Variants in MAX observed in about 807,000 individuals in gnomAD.
MAX encodes the protein protein max.
A neutral mutation model predicts 22.3 loss-of-function variants in MAX; 3 were observed. The ratio of observed to expected loss-of-function variants is 0.13; its 90% CI spans 0.06 to 0.35. MAX has a LOEUF of 0.35. Among genes scored for constraint, MAX ranks in the 10% least tolerant of loss-of-function variants. The pLI is 1.00. For missense variants in MAX, 119 were observed against 209.4 expected, an observed-to-expected ratio of 0.57 and a Z score of 2.66; for synonymous variants, 72 against 77.7, an observed-to-expected ratio of 0.93 and a Z score of 0.39.
chr14:65,035,708 A>C (rs1260748528), intron 3 of MAX, among the ~76,000 whole-genome samples: 1 of 151,816 alleles, frequency 6.6e-6, no homozygotes, highest in East Asian at 1.9e-4. Flanking sequence ...GTTTAAAAAA[A>C]AAATTTGTAG....
At chr14:65,095,781 G>A (rs1390897958) in intron 2 of MAX, among the ~76,000 whole-genome samples, 1 of 152,160 alleles carries the variant, frequency 6.6e-6, no homozygotes, top group African/African-American at 2.4e-5. Flanking sequence ...GCTAAGAGCT[G>A]TGCACCAGAA....
At position 65,031,977 on chromosome 14, in the gene MAX, A is replaced by C. The variant is rs2062093830; in HGVS notation, c.172-25693T>G. On this transcript the variant is annotated intron_variant, in intron 3 of 3. Transcript: ENST00000341653. This position sits in a 1 kb window ranked among gnomAD's most constrained non-coding sequence, Gnocchi z 4.6. Reference sequence around the variant, plus strand: ...ATATAGACGTGCGCCTTTTTCATTTAACGTGTGTGTGTGTGTGTGTGTGTG... The same window carrying C: ...ATATAGACGTGCGCCTTTTTCATTTCACGTGTGTGTGTGTGTGTGTGTGTG... Among the ~76,000 whole-genome samples the C allele has an allele frequency of 8.1e-6, 1 of 123,208 alleles. No individual in the cohort carries two copies. The highest frequency in any genetic ancestry group is 1.7e-5 in the Non-Finnish European group (1 of 59,882). The allele number at this position is 123,208 out of a possible 152,430, so 80.8% of individuals were successfully genotyped here.
chr14:65,086,511 G>C (rs766484139), intron 3 of MAX, among the ~76,000 whole-genome samples: 3 of 152,310 alleles, frequency 2.0e-5, no homozygotes, highest in Non-Finnish European at 2.9e-5. Flanking sequence ...TTGAGAACTA[G>C]AGCAAAGGTG....
At chr14:65,067,793 A>AT (rs59262877) in intron 3 of MAX, among the ~76,000 whole-genome samples, 16,584 of 123,060 alleles carry the variant, frequency 0.13, 1,379 homozygotes, top group African/African-American at 0.25. Context: ...AGCTAATTAC[A>AT]TTTTTTTTTT....
At chr14:65,042,378 A>G (rs1272761728) in intron 3 of MAX, among the ~76,000 whole-genome samples, 1 of 152,226 alleles carries the variant, frequency 6.6e-6, no homozygotes, top group Non-Finnish European at 1.5e-5. Context: ...GATGGGAGAC[A>G]GTGACAGATC....
intron 3 of MAX, among the ~76,000 whole-genome samples, chr14:65,039,473 T>C (rs112991089): frequency 6.6e-6 from 1 of 152,358 alleles, no homozygotes; most frequent in East Asian, 1.9e-4. Context: ...CTGATTCTTA[T>C]ATAAGTTTGC....
At chr14:65,086,399 A>G (rs956255803) in intron 3 of MAX, among the ~76,000 whole-genome samples, 8 of 152,214 alleles carry the variant, frequency 5.3e-5, no homozygotes, top group African/African-American at 1.7e-4. Flanking sequence ...GAAAGTTTCA[A>G]ACTTCCTAAG....
chr14:65,006,595 TTTG>T (rs1411628386), intron 3 of MAX, among the ~76,000 whole-genome samples: 1 of 152,148 alleles, frequency 6.6e-6, no homozygotes, highest in East Asian at 1.9e-4. Flanking sequence ...TTGGAGGGGC[TTTG>T]TTGTTGTGGT....
intron 2 of MAX, among the ~76,000 whole-genome samples, chr14:65,099,735 C>T (rs2063778675): frequency 6.6e-6 from 1 of 151,982 alleles, no homozygotes; most frequent in African/African-American, 2.4e-5. Flanking sequence ...AGGCCCCAAA[C>T]ATGAAGGATA....
chr14:65,008,291 T>TG (rs989305288), intron 3 of MAX, among the ~76,000 whole-genome samples: 2 of 152,120 alleles, frequency 1.3e-5, no homozygotes, highest in Non-Finnish European at 2.9e-5. Context: ...GGCCCAGGTT[T>TG]GGGGGGAGGA....
rs148951785 is a variant in MAX, at chr14:65,014,738, C to G, written c.172-8454G>C. 3.3e-5 allele frequency among the ~76,000 whole-genome samples: 5 copies of G among 152,172 alleles called. No individual in the cohort carries two copies. In the South Asian group the frequency reaches 6.2e-4, roughly 19 times the overall value. On this transcript the variant is annotated intron_variant, in intron 3 of 3. Coordinates refer to the MAX transcript ENST00000341653. This position sits in a 1 kb window ranked among gnomAD's most constrained non-coding sequence, Gnocchi z 5.1. Reference sequence around the variant, plus strand: ...CTGAGGTGGGAGGATTGCTTGAGCCCGGGAGGTTGAGGCTGCAGTGAGCTG... The same window carrying G: ...CTGAGGTGGGAGGATTGCTTGAGCCGGGGAGGTTGAGGCTGCAGTGAGCTG...
At chr14:65,013,966 A>T (rs557007763) in intron 3 of MAX, among the ~76,000 whole-genome samples, 1 of 152,338 alleles carries the variant, frequency 6.6e-6, no homozygotes, top group South Asian at 2.1e-4. Context: ...AGCGAGTAAG[A>T]TGAGGAGCTG....
intron 3 of MAX, among the ~76,000 whole-genome samples, chr14:65,024,920 CT>C (rs543098960): frequency 1.3e-3 from 191 of 152,016 alleles, no homozygotes; most frequent in Non-Finnish European, 2.5e-3. Context: ...TGCCTGGCTC[CT>C]TTTTTTTGTT....
chr14:65,076,683 G>A lies in MAX; in HGVS notation c.296-20C>T, dbSNP rs2063067097. The A allele has an allele frequency of 4.3e-6, 7 of 1,614,188 alleles. No individual in the cohort carries two copies. The highest frequency in any genetic ancestry group is 5.9e-6 in the Non-Finnish European group (7 of 1,180,018). On this transcript the variant is annotated intron_variant, in intron 4 of 4. Transcript: ENST00000358664. This position sits in a 1 kb window ranked among gnomAD's most constrained non-coding sequence, Gnocchi z 6.6. Reference sequence around the variant, plus strand: ...CACGGACTAAAAGGCAACCAAGGGAGTGTGTTACTGCCTTCTGGAGACTTG... The same window carrying A: ...CACGGACTAAAAGGCAACCAAGGGAATGTGTTACTGCCTTCTGGAGACTTG...
rs2063027233 is a variant in MAX, at chr14:65,075,212, C to T, written c.*1264G>A. The stretch of plus-strand genomic sequence containing the variant: ...GACAATTCTTCGGCAGTATGTACAA[C>T]ATACTTTTTATTTCCATGGAATGGA... On this transcript the variant is annotated 3_prime_UTR_variant, in exon 5 of 5. Transcript: ENST00000358664. This position sits in a 1 kb window ranked among gnomAD's most constrained non-coding sequence, Gnocchi z 4.1. The T allele has an allele frequency of 3.8e-6, 4 of 1,049,950 alleles. No homozygotes were observed. Among genetic ancestry groups the T allele is most frequent in the Non-Finnish European group, 2.3e-6 (2 of 869,736 alleles). The allele number at this position is 1,049,950 out of a possible 1,614,324, so 65.0% of individuals were successfully genotyped here.
At chr14:65,098,314 A>G (rs1330922249) in intron 2 of MAX, among the ~76,000 whole-genome samples, 1 of 152,194 alleles carries the variant, frequency 6.6e-6, no homozygotes, top group East Asian at 1.9e-4. Flanking sequence ...GTGAATTCCA[A>G]TCTCGGAGGC....
intron 3 of MAX, among the ~76,000 whole-genome samples, chr14:65,026,801 G>T (rs931149034): frequency 6.6e-6 from 1 of 151,846 alleles, no homozygotes; most frequent in Non-Finnish European, 1.5e-5. Flanking sequence ...GACGGATGCT[G>T]CAATGAGCTG....
rs1418606382 is a variant in MAX, at chr14:65,082,579, C to G, written c.172-4543G>C. Among the ~76,000 whole-genome samples, 1 of 151,948 alleles carries G rather than the reference C, an allele frequency of 6.6e-6. No individual in the cohort carries two copies. Among genetic ancestry groups the G allele is most frequent in the East Asian group, 1.9e-4 (1 of 5,170 alleles). On this transcript the variant is annotated intron_variant, in intron 3 of 4. Coordinates refer to ENST00000358664, the MANE Select transcript of MAX (RefSeq NM_002382.5). This position sits in a 1 kb window ranked among gnomAD's most constrained non-coding sequence, Gnocchi z 4.8. ...AGGTGTTGGGGACCAGCCTAGAAAACACAGCAAGACACTTGGGCTCTATAA... is the reference window on the plus strand; with the variant it reads ...AGGTGTTGGGGACCAGCCTAGAAAAGACAGCAAGACACTTGGGCTCTATAA...
rs996388187 is a variant in MAX, at chr14:65,044,223, A to G, written c.172-37939T>C. ...GAAGCCACAAGATGGGAAACCCTCC[A>G]TCCCACAGATTGACTCCTGGAGATT... On this transcript the variant is annotated intron_variant, in intron 3 of 3. Transcript: ENST00000341653. The surrounding 1 kb of genome is among the most constrained non-coding windows in gnomAD (Gnocchi z 5.5). 4 of 1,596,968 alleles carry G rather than the reference A, an allele frequency of 2.5e-6. No homozygotes were observed. Among genetic ancestry groups the G allele is most frequent in the Non-Finnish European group, 3.4e-6 (4 of 1,173,840 alleles).
Sources: gnomAD v4.1 joint callset for allele counts (sites outside exome capture counted in the v4.1 genomes callset) on GRCh38, gnomAD v4.1.1 for gene constraint, Gnocchi (gnomAD v3.1) non-coding constraint, MANE v1.5 for transcripts, NCBI Gene and HGNC (gene_info 2026-07-23, HGNC 2026-07-21) for gene names.